LOC400499: variants seen among roughly 807,000 people sequenced by gnomAD.
At chr16:11,445,998 TA>T in the LOC400499 span, among the ~76,000 whole-genome samples, 53 of 151,760 alleles carry the variant, frequency 3.5e-4, no homozygotes, top group African/African-American at 1.3e-3. Context: ...CTAGTTTTTA[TA>T]TTTTTAGTAG....
chr16:11,373,823 T>G, the LOC400499 span, among the ~76,000 whole-genome samples: 1 of 152,068 alleles, frequency 6.6e-6, no homozygotes, highest in Non-Finnish European at 1.5e-5. Flanking sequence ...CTTCACCATG[T>G]TGGTCATGCT....
chr16:11,452,442 G>C, the LOC400499 span, among the ~76,000 whole-genome samples: 1 of 152,144 alleles, frequency 6.6e-6, no homozygotes, highest in Non-Finnish European at 1.5e-5. Context: ...AACAGACCTA[G>C]AGCTGACCAC....
the LOC400499 span, among the ~76,000 whole-genome samples, chr16:11,457,828 G>A: frequency 6.6e-6 from 1 of 152,112 alleles, no homozygotes; most frequent in Non-Finnish European, 1.5e-5. Flanking sequence ...TGGAGTATTC[G>A]GCCTTAAAAA....
chr16:11,417,474 G>C, the LOC400499 span, among the ~76,000 whole-genome samples: 99 of 149,982 alleles, frequency 6.6e-4, no homozygotes, highest in African/African-American at 2.4e-3. Context: ...TTGGGAGTTA[G>C]GTCATTGACG....
the LOC400499 span, among the ~76,000 whole-genome samples, chr16:11,512,271 G>C: frequency 1.3e-5 from 2 of 151,446 alleles, no homozygotes; most frequent in Non-Finnish European, 2.9e-5. Context: ...AACAGAGCCA[G>C]ATTCCATCTC....
the LOC400499 span, chr16:11,459,774 G>C: frequency 1.9e-6 from 2 of 1,028,576 alleles, no homozygotes; most frequent in Non-Finnish European, 2.5e-6. Flanking sequence ...AAGTCACCAA[G>C]GCTAAGTTTC....
chr16:11,443,281 G>A, the LOC400499 span: 369 of 322,206 alleles, frequency 1.1e-3, no homozygotes, highest in African/African-American at 8.6e-3. Flanking sequence ...CCGACATTGC[G>A]CAGCTGCACC....
chr16:11,380,890 C>G, the LOC400499 span: 1 of 155,258 alleles, frequency 6.4e-6, no homozygotes, highest in East Asian at 1.9e-4. Flanking sequence ...AGCCACAGCA[C>G]CTCCTGTCTT....
At chr16:11,454,273 T>C in the LOC400499 span, among the ~76,000 whole-genome samples, 1 of 152,186 alleles carries the variant, frequency 6.6e-6, no homozygotes, top group Non-Finnish European at 1.5e-5. Flanking sequence ...ACATTTAGGG[T>C]CTCAAAATGT....
At chr16:11,419,009 T>C in the LOC400499 span, among the ~76,000 whole-genome samples, 2 of 152,026 alleles carry the variant, frequency 1.3e-5, no homozygotes, top group East Asian at 1.9e-4. Flanking sequence ...CTACTAAAAA[T>C]ACAAAAATTA....
the LOC400499 span, among the ~76,000 whole-genome samples, chr16:11,466,910 G>A: frequency 2.9e-5 from 4 of 138,910 alleles, no homozygotes; most frequent in African/African-American, 7.4e-5. Flanking sequence ...GTGTACGTAC[G>A]TATATGTGTA....
the LOC400499 span, among the ~76,000 whole-genome samples, chr16:11,454,600 C>T: frequency 6.6e-6 from 1 of 152,208 alleles, no homozygotes; most frequent in East Asian, 1.9e-4. Flanking sequence ...TTGGAAAAGG[C>T]AAGGGAGGGT....
chr16:11,447,868 G>A, the LOC400499 span: 2 of 1,473,588 alleles, frequency 1.4e-6, no homozygotes, highest in Non-Finnish European at 1.8e-6. Flanking sequence ...TTCCCCCTGG[G>A]GATGCTCCGT....
the LOC400499 span, among the ~76,000 whole-genome samples, chr16:11,386,817 A>C: frequency 6.6e-6 from 1 of 152,254 alleles, no homozygotes; most frequent in Non-Finnish European, 1.5e-5. Context: ...GTCTGAAGTC[A>C]GTCAGTTCTC....
the LOC400499 span, among the ~76,000 whole-genome samples, chr16:11,412,030 T>C: frequency 2.0e-5 from 3 of 152,056 alleles, no homozygotes; most frequent in Admixed American, 2.0e-4. Flanking sequence ...ACCAGGCTCA[T>C]TTTTAAGATT....
the LOC400499 span, among the ~76,000 whole-genome samples, chr16:11,479,619 C>G: frequency 2.6e-5 from 4 of 151,976 alleles, no homozygotes; most frequent in Non-Finnish European, 5.9e-5. Flanking sequence ...AGAGCAAGAC[C>G]CTGTCTCTGA....
chr16:11,518,863 C>T, the LOC400499 span: 21 of 399,066 alleles, frequency 5.3e-5, no homozygotes, highest in South Asian at 2.5e-4. Flanking sequence ...CCAGCCCCAT[C>T]GTGAGCAGGT....
chr16:11,451,897 C>A, the LOC400499 span, among the ~76,000 whole-genome samples: 1 of 152,108 alleles, frequency 6.6e-6, no homozygotes, highest in Non-Finnish European at 1.5e-5. Flanking sequence ...CTGGTCCCTG[C>A]CCAGTTGCTC....
chr16:11,411,378 C>T, the LOC400499 span: 7 of 399,006 alleles, frequency 1.8e-5, no homozygotes, highest in Non-Finnish European at 3.1e-5. Flanking sequence ...GCACCTTGTC[C>T]AGTGCCCCCA....
Sources: gnomAD v4.1 joint callset for allele counts (sites outside exome capture counted in the v4.1 genomes callset) on GRCh38, gnomAD v4.1.1 for gene constraint, MANE v1.5 for transcripts.